The following RPS6KC1 variants were observed in gnomAD, a reference collection of about 807,000 sequenced individuals.
RPS6KC1 encodes the protein inactive ribosomal protein S6 kinase delta-1.
RPS6KC1 carries 54 observed loss-of-function variants against 103.8 expected under a neutral mutation model. The observed-to-expected ratio is 0.52, with a 90% CI of 0.42 to 0.65. RPS6KC1 has a LOEUF of 0.65. RPS6KC1 is among the 30% of genes least tolerant of loss of function. The pLI is 0.00. For missense variants in RPS6KC1, 1,151 were observed against 1,253.8 expected, an observed-to-expected ratio of 0.92 and a Z score of 1.24; for synonymous variants, 439 against 438.7, an observed-to-expected ratio of 1.00 and a Z score of -0.01.
the RPS6KC1 span, among the ~76,000 whole-genome samples, chr1:213,286,368 C>T: frequency 1.3e-5 from 2 of 152,136 alleles, no homozygotes; most frequent in African/African-American, 4.8e-5. Context: ...GCAGCTGAAA[C>T]ATTTTATAAG....
At chr1:213,487,348 A>T in the RPS6KC1 span, among the ~76,000 whole-genome samples, 3 of 152,162 alleles carry the variant, frequency 2.0e-5, no homozygotes, top group Non-Finnish European at 2.9e-5. Context: ...GTGAGCCCAC[A>T]TCATACTCCT....
chr1:213,859,489 G>A, the RPS6KC1 span, among the ~76,000 whole-genome samples: 13 of 152,200 alleles, frequency 8.5e-5, no homozygotes, highest in Non-Finnish European at 1.3e-4. Flanking sequence ...TATGGGTCAT[G>A]TGGTTTCTAT....
intron 3 of RPS6KC1, among the ~76,000 whole-genome samples, chr1:213,094,639 T>C (rs2081291327): frequency 6.6e-6 from 1 of 152,206 alleles, no homozygotes; most frequent in Non-Finnish European, 1.5e-5. Flanking sequence ...TCCCAATAGC[T>C]AAGAACTGGC....
At chr1:213,708,998 C>T in the RPS6KC1 span, among the ~76,000 whole-genome samples, 7 of 152,078 alleles carry the variant, frequency 4.6e-5, no homozygotes, top group Non-Finnish European at 8.8e-5. Context: ...TCAGGGATAT[C>T]GGCCTGAAAT....
chr1:213,563,495 C>A, the RPS6KC1 span, among the ~76,000 whole-genome samples: 4 of 133,602 alleles, frequency 3.0e-5, no homozygotes, highest in Admixed American at 8.1e-5. Context: ...TTTTGTTTCC[C>A]ACTTATTGTG....
At chr1:213,372,714 C>T in the RPS6KC1 span, among the ~76,000 whole-genome samples, 1 of 152,076 alleles carries the variant, frequency 6.6e-6, no homozygotes, top group African/African-American at 2.4e-5. Context: ...ATATTTTCAC[C>T]ACCTGTTCTA....
chr1:213,300,346 T>G, the RPS6KC1 span, among the ~76,000 whole-genome samples: 1 of 152,164 alleles, frequency 6.6e-6, no homozygotes, highest in Non-Finnish European at 1.5e-5. Flanking sequence ...ACTCTGTTGG[T>G]TGAAGTCCCA....
chr1:213,711,295 C>T, the RPS6KC1 span, among the ~76,000 whole-genome samples: 909 of 152,184 alleles, frequency 6.0e-3, 10 homozygotes, highest in South Asian at 0.02. Flanking sequence ...TCCACTTGAT[C>T]GATTCAGCTA....
At chr1:213,554,984 T>A in the RPS6KC1 span, among the ~76,000 whole-genome samples, 2 of 152,186 alleles carry the variant, frequency 1.3e-5, no homozygotes, top group African/African-American at 4.8e-5. Context: ...AAGGATAGAA[T>A]TTTTTAAAGC....
At chr1:213,287,000 AAAGT>A in the RPS6KC1 span, among the ~76,000 whole-genome samples, 1 of 152,244 alleles carries the variant, frequency 6.6e-6, no homozygotes, top group Non-Finnish European at 1.5e-5. Context: ...AAAGAAATGA[AAAGT>A]AGGTAAGAGG....
intron 6 of RPS6KC1, among the ~76,000 whole-genome samples, chr1:213,149,237 T>C (rs1404343869): frequency 2.6e-5 from 4 of 152,136 alleles, no homozygotes; most frequent in Admixed American, 1.3e-4. Context: ...TTTCTAGTTG[T>C]GTAAGATGCT....
At chr1:213,218,607 C>T (rs2093734908) in intron 8 of RPS6KC1, among the ~76,000 whole-genome samples, 1 of 152,176 alleles carries the variant, frequency 6.6e-6, no homozygotes, top group Admixed American at 6.5e-5. Flanking sequence ...ATCACACTAC[C>T]TGACTTCAAA....
the RPS6KC1 span, among the ~76,000 whole-genome samples, chr1:213,456,262 G>A: frequency 5.3e-5 from 8 of 152,118 alleles, no homozygotes; most frequent in African/African-American, 1.9e-4. Context: ...AGTTGAAGAG[G>A]TTGAACCCTA....
chr1:213,496,246 A>G, the RPS6KC1 span, among the ~76,000 whole-genome samples: 1 of 152,246 alleles, frequency 6.6e-6, no homozygotes, highest in Non-Finnish European at 1.5e-5. Flanking sequence ...AACAATAAAT[A>G]TAAATATGCT....
the RPS6KC1 span, among the ~76,000 whole-genome samples, chr1:213,343,443 A>ACACC: frequency 3.5e-4 from 36 of 103,730 alleles, 1 homozygote; most frequent in African/African-American, 1.1e-3. Flanking sequence ...ATATATATAC[A>ACACC]TACCATGGAA....
the RPS6KC1 span, among the ~76,000 whole-genome samples, chr1:213,283,234 C>T: frequency 1.2e-4 from 18 of 152,244 alleles, no homozygotes; most frequent in Non-Finnish European, 2.1e-4. Context: ...CAAGAAGAAG[C>T]AAAAATTAGC....
chr1:213,511,781 C>T, the RPS6KC1 span, among the ~76,000 whole-genome samples: 1 of 152,180 alleles, frequency 6.6e-6, no homozygotes, highest in Non-Finnish European at 1.5e-5. Context: ...AAGGAGGTGT[C>T]CCTTCACTAT....
At chr1:213,746,884 G>T in the RPS6KC1 span, among the ~76,000 whole-genome samples, 1 of 152,168 alleles carries the variant, frequency 6.6e-6, no homozygotes, top group Non-Finnish European at 1.5e-5. Context: ...GCTTTTTAGG[G>T]AAGATCTTGA....
intron 3 of RPS6KC1, among the ~76,000 whole-genome samples, chr1:213,104,094 C>T (rs2082255162): frequency 6.6e-6 from 1 of 152,170 alleles, no homozygotes; most frequent in Non-Finnish European, 1.5e-5. Context: ...TGAGTAATTA[C>T]AGTATTAGAT....
Sources: allele counts gnomAD v4.1 joint callset (sites outside exome capture counted in the v4.1 genomes callset), GRCh38; gene constraint gnomAD v4.1.1; transcripts MANE v1.5; gene names NCBI Gene and HGNC (gene_info 2026-07-23, HGNC 2026-07-21).